ACO1: variants seen among roughly 807,000 people sequenced by gnomAD.
ACO1 encodes the protein cytoplasmic aconitate hydratase.
In ACO1, 78 loss-of-function variants were observed where a neutral mutation model predicts 105.1. The observed-to-expected ratio is 0.74, with a 90% CI of 0.62 to 0.90. The LOEUF (loss-of-function observed/expected upper bound fraction) is 0.90. Among genes scored for constraint, ACO1 ranks in the 40% least tolerant of loss-of-function variants. ACO1 has a pLI of 0.00. For missense variants in ACO1, 965 were observed against 1,111.1 expected, an observed-to-expected ratio of 0.87 and a Z score of 1.87; for synonymous variants, 364 against 397.4, an observed-to-expected ratio of 0.92 and a Z score of 1.00.
chr9:32,414,607 A>T lies in ACO1; in HGVS notation c.405-3521A>T, dbSNP rs537256771. On this transcript the variant is annotated intron_variant, in intron 4 of 20. Transcript: ENST00000309951. ...GATACCCCCAGCATTTTCTGGGGTA[A>T]ACATTCCTCCGTCAATCATCAGTCA... Among the ~76,000 whole-genome samples, 17 of 152,292 alleles carry T rather than the reference A, an allele frequency of 1.1e-4. No homozygotes were observed. In the South Asian group the frequency reaches 3.3e-3, roughly 30 times the overall value.
At chr9:32,399,173 C>T (rs1029229753) in intron 1 of ACO1, among the ~76,000 whole-genome samples, 5 of 152,190 alleles carry the variant, frequency 3.3e-5, no homozygotes, top group African/African-American at 1.2e-4. Flanking sequence ...CAGTTTCAGT[C>T]TCTCCAGAGT....
At chr9:32,422,330 A>C (rs1805978371) in intron 8 of ACO1, among the ~76,000 whole-genome samples, 1 of 152,220 alleles carries the variant, frequency 6.6e-6, no homozygotes, top group African/African-American at 2.4e-5. Flanking sequence ...GTTCATCTTC[A>C]TGAAGAGCAT....
chr9:32,440,489 C>A lies in ACO1; in HGVS notation c.2272C>A (p.Arg758=). The change falls in exon 19 of 21, where the codon CGG becomes AGG. Residue 758 remains arginine (R), a synonymous_variant. Transcript: ENST00000309951. ...GCTTGATGTGTTTGATGCTGCTGAG[C>A]GGTACCAGCAGGCAGGCCTTCCCCT... is the stretch of plus-strand genomic sequence containing the variant. The part of the protein sequence containing the change: ...EILDVFDAAE[R]YQQAGLPLIV... The A allele has an allele frequency of 6.2e-7, 1 of 1,613,812 alleles. No homozygotes were observed. Among genetic ancestry groups the A allele is most frequent in the Non-Finnish European group, 8.5e-7 (1 of 1,179,828 alleles).
At chr9:32,426,618 T>A (rs769981479) in intron 11 of ACO1, among the ~76,000 whole-genome samples, 3 of 152,240 alleles carry the variant, frequency 2.0e-5, no homozygotes, top group Non-Finnish European at 4.4e-5. Flanking sequence ...CTTCTTTGCC[T>A]GAGTCCGTGT....
At position 32,453,769 on chromosome 9, in the gene ACO1, G is replaced by A. The variant is rs765522190; in HGVS notation, c.*3658G>A. Reference sequence around the variant, plus strand: ...GCCACTTTTGAAAAACAGTAGCCAAGGTTCTACTGGCTGCCTTCTTAGGAC... The same window carrying A: ...GCCACTTTTGAAAAACAGTAGCCAAAGTTCTACTGGCTGCCTTCTTAGGAC... On this transcript the variant is annotated 3_prime_UTR_variant, in exon 21 of 21. Transcript: ENST00000309951. The A allele has an allele frequency of 2.6e-5, 4 of 152,152 alleles. No homozygotes were observed. The highest frequency in any genetic ancestry group is 9.7e-5 in the African/African-American group (4 of 41,418). The allele number at this position is 152,152 out of a possible 1,614,324, so 9.4% of individuals were successfully genotyped here. A position where few individuals can be genotyped will look rare whatever the true frequency, so the allele number is the denominator to read the frequency against.
chr9:32,412,531 T>A (rs1821761407), intron 4 of ACO1, among the ~76,000 whole-genome samples: 1 of 152,196 alleles, frequency 6.6e-6, no homozygotes, highest in Non-Finnish European at 1.5e-5. Flanking sequence ...TTTCTCCAGT[T>A]AATATTGCTA....
At chr9:32,430,343 C>T in intron 13 of ACO1, 75 bp from the exon 14 acceptor site, 1 of 1,451,838 alleles carries the variant, frequency 6.9e-7, no homozygotes, top group South Asian at 1.4e-5. Context: ...GATGTGGAAA[C>T]TCTTGCCAAT....
chr9:32,447,768 G>C (rs1344835996), intron 19 of ACO1, among the ~76,000 whole-genome samples: 3 of 152,114 alleles, frequency 2.0e-5, no homozygotes, highest in African/African-American at 7.2e-5. Context: ...ATGTCCTTTT[G>C]GTTGATGTTG....
At chr9:32,408,479 G>A (rs186585841) in intron 3 of ACO1, 35 bp from the exon 4 acceptor site, 1 of 1,612,200 alleles carries the variant, frequency 6.2e-7, no homozygotes, top group Non-Finnish European at 8.5e-7. Context: ...CACATTTAAG[G>A]CTTATTTTCT....
rs568417418 is a variant in ACO1 at position 32,426,782 on chromosome 9, A to G, written c.1349-519A>G. ...TGATACTTCCTAAGACAGAGCACCC[A>G]GTGTTCCAGTAGCAGTCTCTGTATC... On this transcript the variant is annotated intron_variant, in intron 11 of 20. Transcript: ENST00000309951. Among the ~76,000 whole-genome samples the G allele has an allele frequency of 2.0e-5, 3 of 152,226 alleles. No individual in the cohort carries two copies. The East Asian group carries it at 5.8e-4, about 29-fold the overall frequency.
Position 32,454,592 on chromosome 9 carries a change from A to G in ACO1, c.*4481A>G, listed in dbSNP as rs748052360. ...TGAAAAAGACTCCCCAGTTGTTTCT[A>G]AAATGTGGCCTTTGTTCTAGAAATG... On this transcript the variant is annotated 3_prime_UTR_variant, in exon 21 of 21. Transcript: ENST00000309951. 4.6e-5 allele frequency: 7 copies of G among 152,182 alleles called. No homozygotes were observed. Among genetic ancestry groups the G allele is most frequent in the Non-Finnish European group, 7.3e-5 (5 of 68,028 alleles). The allele number at this position is 152,182 out of a possible 1,614,324, so 9.4% of individuals were successfully genotyped here.
chr9:32,414,148 G>A (rs1053385690), intron 4 of ACO1, among the ~76,000 whole-genome samples: 6 of 151,714 alleles, frequency 4.0e-5, no homozygotes, highest in African/African-American at 1.5e-4. Flanking sequence ...GTGAGACTCC[G>A]TCTCAAAAAA....
chr9:32,387,152 G>A (rs1587505003), intron 1 of ACO1, among the ~76,000 whole-genome samples: 1 of 152,150 alleles, frequency 6.6e-6, no homozygotes, highest in Admixed American at 6.5e-5. Context: ...GTAATTTCCT[G>A]TGAGGCAGCC....
At chr9:32,443,325 T>C (rs988064608) in intron 19 of ACO1, among the ~76,000 whole-genome samples, 1 of 152,134 alleles carries the variant, frequency 6.6e-6, no homozygotes, top group Non-Finnish European at 1.5e-5. Context: ...ATGGCAAAAT[T>C]AGGCTGAAGC....
At chr9:32,406,357 C>T (rs759606071) in intron 2 of ACO1, among the ~76,000 whole-genome samples, 5 of 152,206 alleles carry the variant, frequency 3.3e-5, no homozygotes, top group Admixed American at 2.6e-4. Flanking sequence ...TGTGTTGGCT[C>T]ATGCCTGTAA....
At chr9:32,427,167 C>A in intron 11 of ACO1, 134 bp from the exon 12 acceptor site, 1 of 1,115,714 alleles carries the variant, frequency 9.0e-7, no homozygotes, top group Non-Finnish European at 1.3e-6. Context: ...CAGCAGATAG[C>A]GCCAACATGA....
At chr9:32,443,982 G>A (rs373843924) in intron 19 of ACO1, among the ~76,000 whole-genome samples, 4 of 151,866 alleles carry the variant, frequency 2.6e-5, no homozygotes, top group Admixed American at 2.0e-4. Context: ...CCCCTGACCC[G>A]CCAACAGGCC....
At chr9:32,432,782 T>C (rs180997577) in intron 15 of ACO1, among the ~76,000 whole-genome samples, 1 of 152,312 alleles carries the variant, frequency 6.6e-6, no homozygotes, top group East Asian at 1.9e-4. Flanking sequence ...TATAGTGAGT[T>C]GAAACAACAA....
chr9:32,411,526 G>A (rs1240957775), intron 4 of ACO1, among the ~76,000 whole-genome samples: 1 of 152,166 alleles, frequency 6.6e-6, no homozygotes, highest in Non-Finnish European at 1.5e-5. Context: ...AATATATGGA[G>A]TGTCTATAAT....
Sources: gnomAD v4.1 joint callset for allele counts (sites outside exome capture counted in the v4.1 genomes callset) on GRCh38, gnomAD v4.1.1 for gene constraint, MANE v1.5 for transcripts, NCBI Gene and HGNC (gene_info 2026-07-23, HGNC 2026-07-21) for gene names.